The following PANK4 variants were observed in gnomAD, a reference collection of about 807,000 sequenced individuals.
The protein encoded by PANK4 is pantothenate kinase 4 (inactive), also known as 4'-phosphopantetheine phosphatase.
A neutral mutation model predicts 87.9 loss-of-function variants in PANK4; 40 were observed. The observed-to-expected ratio is 0.46, with a 90% confidence interval of 0.35 to 0.59. The LOEUF (loss-of-function observed/expected upper bound fraction) is 0.59, where lower values mean the gene tolerates loss of function less well. PANK4 is among the 20% of genes least tolerant of loss of function. PANK4 has a pLI of 0.00. For missense variants in PANK4, 926 were observed against 1,072.3 expected (o/e 0.86, Z 1.90); for synonymous variants, 524 against 467.4 (o/e 1.12, Z -1.56).
At position 2,515,942 on chromosome 1, in the gene PANK4, C is replaced by T. The variant is rs556846054; in HGVS notation, c.1219-225G>A. The T allele has an allele frequency of 4.1e-5, 24 of 588,796 alleles. No homozygotes were observed. In the South Asian group the frequency reaches 4.6e-4, roughly 11 times the overall value. 36.5% of individuals were successfully genotyped at this position (588,796 alleles called of 1,614,324 possible). A position where few individuals can be genotyped will look rare whatever the true frequency, so the allele number is the denominator to read the frequency against. On this transcript the variant is annotated intron_variant, in intron 9 of 18. Coordinates refer to ENST00000378466, the MANE Select transcript of PANK4 (RefSeq NM_018216.4). This position sits in a 1 kb window ranked among gnomAD's most constrained non-coding sequence, Gnocchi z 5.0. ...GTTTGACACTGGGGTTGCGTCTGCT[C>T]CCACCACACGCCTCCTGCCCCCAGC...
At chr1:2,513,862 G>A (rs1643708905) in intron 12 of PANK4, 140 bp downstream of exon 12, 2 of 730,458 alleles carry the variant, frequency 2.7e-6, no homozygotes, top group Non-Finnish European at 2.6e-6. Context: ...TGGTGCCAGG[G>A]CTGGAGTTGG....
At position 2,520,442 on chromosome 1, in the gene PANK4, C is replaced by T; in HGVS notation, c.607-28G>A. 6.3e-7 allele frequency: 1 copy of T among 1,591,266 alleles called. No homozygotes were observed. The highest frequency in any genetic ancestry group is 8.6e-7 in the Non-Finnish European group (1 of 1,161,304). ...GCAACAGAGCCAGGGCAGGTGTGCC[C>T]TCAGTGGGCCCTCAGCCACACAGGC... On this transcript the variant is annotated intron_variant, in intron 4 of 18. Transcript: ENST00000378466. This position sits in a 1 kb window ranked among gnomAD's most constrained non-coding sequence, Gnocchi z 6.2.
chr1:2,515,487 C>G lies in PANK4; in HGVS notation c.1374+75G>C. On this transcript the variant is annotated intron_variant, in intron 10 of 18. Transcript: ENST00000378466. The surrounding 1 kb of genome is among the most constrained non-coding windows in gnomAD (Gnocchi z 5.0). ...GGCCTGTCCCCCTTCGCCACCTTGGCTTTGCCCCCGGAGCCTTGGAAGGTT... is the reference window on the plus strand; with the variant it reads ...GGCCTGTCCCCCTTCGCCACCTTGGGTTTGCCCCCGGAGCCTTGGAAGGTT... 6.6e-7 allele frequency: 1 copy of G among 1,520,948 alleles called. No individual in the cohort carries two copies. Among genetic ancestry groups the G allele is most frequent in the East Asian group, 2.3e-5 (1 of 44,264 alleles). 94.2% of individuals were successfully genotyped at this position (1,520,948 alleles called of 1,614,324 possible). A position where few individuals can be genotyped will look rare whatever the true frequency, so the allele number is the denominator to read the frequency against.
At position 2,509,173 on chromosome 1, in the gene PANK4, G is replaced by T; in HGVS notation, c.2109-113C>A. The T allele has an allele frequency of 1.2e-6, 1 of 827,546 alleles. No individual in the cohort carries two copies. Among genetic ancestry groups the T allele is most frequent in the Non-Finnish European group, 1.9e-6 (1 of 533,176 alleles). The allele number at this position is 827,546 out of a possible 1,614,324, so 51.3% of individuals were successfully genotyped here. ...AACCCCTACCGCTCAATTCCCTGAT[G>T]TGGAGGCCTCCAAACCCAGCCTCCG... On this transcript the variant is annotated intron_variant, in intron 18 of 18. Coordinates refer to ENST00000378466, the MANE Select transcript of PANK4 (RefSeq NM_018216.4). This position sits in a 1 kb window ranked among gnomAD's most constrained non-coding sequence, Gnocchi z 4.9.
intron 3 of PANK4, 39 bp downstream of exon 3, chr1:2,521,062 G>A: frequency 3.8e-6 from 6 of 1,572,444 alleles, no homozygotes; most frequent in Admixed American, 3.3e-5. Context: ...CTCGGGGGCA[G>A]ACACATGTTC....
rs1305372762 is a variant in PANK4, at chr1:2,514,395, C to T, written c.1446G>A (p.Gln482=). ...GGGTCTGAAGCTTGTTCCAGTACTT[C>T]TGCCGGAACTTCTCCGCCCTCTCGG... The part of the protein sequence containing the change: ...DAAERAEKFR[Q]KYWNKLQTLR... The change falls in exon 11 of 19, where the codon CAG becomes CAA. Residue 482 remains glutamine (Q), a synonymous_variant. Coordinates refer to ENST00000378466, the MANE Select transcript of PANK4 (RefSeq NM_018216.4). The T allele has an allele frequency of 6.2e-7, 1 of 1,612,566 alleles. No individual in the cohort carries two copies. The highest frequency in any genetic ancestry group is 2.2e-5 in the East Asian group (1 of 44,860).
intron 15 of PANK4, 64 bp downstream of exon 15, chr1:2,511,274 A>G: frequency 8.4e-7 from 1 of 1,187,830 alleles, no homozygotes; most frequent in Non-Finnish European, 1.3e-6. Flanking sequence ...ACCTCCCTCC[A>G]GTGACCACCC....
At chr1:2,518,116 C>T (rs1248294425) in intron 9 of PANK4, 48 bp downstream of exon 9, 2 of 1,195,400 alleles carry the variant, frequency 1.7e-6, no homozygotes, top group African/African-American at 3.0e-5. Context: ...GTGAGTGCGG[C>T]ATAGGCTGCT....
rs561547255 is a variant in PANK4, at chr1:2,519,808, G to A, written c.846C>T (p.Ala282=). ...IASSFGKSAT[A]DQEFSKEDMA... is the part of the protein sequence containing the mutation. ...AGAGGCCGGGGTGAGCACCTTGGTC[G>A]GCGGTGGCCGACTTCCCGAAGCTGC... Residue 282 remains alanine, a synonymous_variant, in exon 6 of 19, where the codon GCC becomes GCT. Transcript: ENST00000378466. This position sits in a 1 kb window ranked among gnomAD's most constrained non-coding sequence, Gnocchi z 8.3. 3.2e-5 allele frequency: 51 copies of A among 1,577,846 alleles called. 3 individuals are homozygous for A. In the South Asian group the frequency reaches 5.0e-4, roughly 15 times the overall value.
At position 2,520,039 on chromosome 1, in the gene PANK4, G is replaced by A; in HGVS notation, c.700-85C>T. 1 of 1,309,814 alleles carries A rather than the reference G, an allele frequency of 7.6e-7. No individual in the cohort carries two copies. The highest frequency in any genetic ancestry group is 2.5e-5 in the East Asian group (1 of 39,466). 81.1% of individuals were successfully genotyped at this position (1,309,814 alleles called of 1,614,324 possible). A position where few individuals can be genotyped will look rare whatever the true frequency, so the allele number is the denominator to read the frequency against. On this transcript the variant is annotated intron_variant, in intron 5 of 18. Coordinates refer to ENST00000378466, the MANE Select transcript of PANK4 (RefSeq NM_018216.4). This position sits in a 1 kb window ranked among gnomAD's most constrained non-coding sequence, Gnocchi z 6.2. ...CCAGAAACCAAGCCCATGGCAGGAG[G>A]CACGCGCGGGCAGGGGGTAAATGGG... is the stretch of plus-strand genomic sequence containing the variant.
intron 10 of PANK4, 114 bp from the exon 11 acceptor site, chr1:2,514,580 G>T (rs1316235588): frequency 1.5e-5 from 9 of 598,134 alleles, no homozygotes; most frequent in South Asian, 1.4e-4. Flanking sequence ...GGGACTGTCT[G>T]GGGCAGGGTG....
Position 2,519,710 on chromosome 1 carries a change from T to A in PANK4, c.853+91A>T. ...ACCCCGACTCTCCAGGGAGCAGTTG[T>A]GGGAAAGCAATGGTGGGGGAAGCTC... On this transcript the variant is annotated intron_variant, in intron 6 of 18. Transcript: ENST00000378466. The surrounding 1 kb of genome is among the most constrained non-coding windows in gnomAD (Gnocchi z 8.3). 1 of 1,328,080 alleles carries A rather than the reference T, an allele frequency of 7.5e-7. No individual in the cohort carries two copies. The highest frequency in any genetic ancestry group is 1.0e-6 in the Non-Finnish European group (1 of 987,376). The allele number at this position is 1,328,080 out of a possible 1,614,324, so 82.3% of individuals were successfully genotyped here.
At chr1:2,517,019 G>A (rs938086808) in intron 9 of PANK4, among the ~76,000 whole-genome samples, 1 of 152,228 alleles carries the variant, frequency 6.6e-6, no homozygotes, top group African/African-American at 2.4e-5. Flanking sequence ...CGGGGCCCCC[G>A]AAGCACTGTG....
intron 1 of PANK4, among the ~76,000 whole-genome samples, chr1:2,523,722 G>A (rs921715978): frequency 2.0e-5 from 3 of 152,218 alleles, no homozygotes; most frequent in African/African-American, 2.4e-5. Context: ...CCTGAGGCGC[G>A]AGGGGCACGC....
At chr1:2,511,196 A>G in intron 15 of PANK4, 142 bp downstream of exon 15, 2 of 680,540 alleles carry the variant, frequency 2.9e-6, no homozygotes, top group Admixed American at 4.6e-5. Flanking sequence ...GGGGATGCTG[A>G]GACCCTTGGC....
At chr1:2,514,330 C>A in intron 11 of PANK4, 24 bp downstream of exon 11, 1 of 1,546,676 alleles carries the variant, frequency 6.5e-7, no homozygotes, top group Non-Finnish European at 8.9e-7. Flanking sequence ...GAGGTGGCCA[C>A]ACACCGGGGT....
chr1:2,518,538 G>A lies in PANK4; in HGVS notation c.1095C>T (p.Phe365=), dbSNP rs763346877. 4.5e-6 allele frequency: 7 copies of A among 1,570,274 alleles called. No individual in the cohort carries two copies. In the East Asian group the frequency reaches 9.4e-5, roughly 21 times the overall value. Residue 365 remains phenylalanine, a synonymous_variant, in exon 8 of 19, where the codon TTC becomes TTT. Transcript: ENST00000378466. ...CACTGTCCTGCTCAGCTCCTTTCAG[G>A]AACGCTCCGATGGCTCCCAGGTAGC... ...HEGYLGAIGA[F]LKGAEQDNPN...
intron 12 of PANK4, among the ~76,000 whole-genome samples, chr1:2,513,509 A>ACGGACGCCCGGAAAG (rs1172074739): frequency 6.6e-6 from 1 of 152,182 alleles, no homozygotes; most frequent in Non-Finnish European, 1.5e-5. Context: ...GGGAAGCAAA[A>ACGGACGCCCGGAAAG]CGGACGCCCG....
chr1:2,521,807 G>A lies in PANK4; in HGVS notation c.125-7C>T, dbSNP rs2100794101. Reference sequence around the variant, plus strand: ...AGCTTGGTTAACGACCCGCCTGCAGGGGAGACACAAACCGGGCAGGATTCA... The same window carrying A: ...AGCTTGGTTAACGACCCGCCTGCAGAGGAGACACAAACCGGGCAGGATTCA... On this transcript the variant is annotated splice_region_variant and splice_polypyrimidine_tract_variant and intron_variant, in intron 1 of 18. Coordinates refer to ENST00000378466, the MANE Select transcript of PANK4 (RefSeq NM_018216.4). 3.1e-6 allele frequency: 5 copies of A among 1,612,784 alleles called. No homozygotes were observed. The highest frequency in any genetic ancestry group is 1.1e-5 in the South Asian group (1 of 91,056).
Sources: allele counts gnomAD v4.1 joint callset (sites outside exome capture counted in the v4.1 genomes callset), GRCh38; gene constraint gnomAD v4.1.1; non-coding constraint Gnocchi (gnomAD v3.1); transcripts MANE v1.5; gene names NCBI Gene and HGNC (gene_info 2026-07-23, HGNC 2026-07-21).